VPS54: variants seen among roughly 807,000 people sequenced by gnomAD.
VPS54 encodes vacuolar protein sorting-associated protein 54.
In VPS54, 45 loss-of-function variants were observed where a neutral mutation model predicts 121.5. That is an observed-to-expected ratio of 0.37 (90% CI 0.29 to 0.47). The LOEUF (loss-of-function observed/expected upper bound fraction) is 0.47, where lower values mean the gene tolerates loss of function less well. VPS54 is among the 20% of genes least tolerant of loss of function. VPS54 has a pLI of 0.99. For synonymous variants in VPS54, 371 were observed against 385.8 expected (o/e 0.96, Z 0.45); for missense variants, 1,090 against 1,131.4 (o/e 0.96, Z 0.52).
At chr2:63,990,978 A>AG (rs1677291156) in intron 1 of VPS54, among the ~76,000 whole-genome samples, 1 of 152,194 alleles carries the variant, frequency 6.6e-6, no homozygotes, top group South Asian at 2.1e-4. Context: ...TAACCCCATT[A>AG]AAGCATTTAC....
intron 1 of VPS54, among the ~76,000 whole-genome samples, chr2:63,992,462 A>C (rs1209210171): frequency 4.6e-5 from 7 of 152,252 alleles, no homozygotes; most frequent in African/African-American, 1.7e-4. Flanking sequence ...CTATAAAAGA[A>C]GACAGGGCTG....
intron 6 of VPS54, among the ~76,000 whole-genome samples, chr2:63,965,039 T>C (rs891251150): frequency 6.6e-6 from 1 of 152,206 alleles, no homozygotes; most frequent in Non-Finnish European, 1.5e-5. Flanking sequence ...TGTAAAAGAC[T>C]AGGCTTTGCA....
At chr2:63,951,001 C>T (rs1424987601) in intron 7 of VPS54, among the ~76,000 whole-genome samples, 1 of 152,098 alleles carries the variant, frequency 6.6e-6, no homozygotes, top group Non-Finnish European at 1.5e-5. Context: ...AGCTTTAGAT[C>T]CTTCACTTTC....
intron 5 of VPS54, among the ~76,000 whole-genome samples, chr2:63,968,696 G>A (rs1224220915): frequency 5.3e-5 from 8 of 152,010 alleles, no homozygotes; most frequent in African/African-American, 1.7e-4. Flanking sequence ...TCCAGCCTGC[G>A]AGACGGGGCA....
At chr2:63,927,769 A>G (rs1200782276) in intron 12 of VPS54, among the ~76,000 whole-genome samples, 1 of 152,204 alleles carries the variant, frequency 6.6e-6, no homozygotes, top group Non-Finnish European at 1.5e-5. Flanking sequence ...CCTTGAAAGA[A>G]GATTAGATGA....
intron 7 of VPS54, among the ~76,000 whole-genome samples, chr2:63,961,418 T>C (rs1235521987): frequency 2.0e-5 from 3 of 152,242 alleles, no homozygotes; most frequent in African/African-American, 7.2e-5. Context: ...CACTTACTAG[T>C]ACGTGGTTTG....
chr2:64,006,001 A>G (rs1384857297), intron 1 of VPS54, among the ~76,000 whole-genome samples: 2 of 152,220 alleles, frequency 1.3e-5, no homozygotes, highest in Non-Finnish European at 2.9e-5. Context: ...CTATTAAGAA[A>G]ATGGCTTGGA....
intron 7 of VPS54, among the ~76,000 whole-genome samples, chr2:63,958,550 C>CA (rs1423754509): frequency 2.0e-5 from 3 of 152,036 alleles, no homozygotes; most frequent in East Asian, 1.9e-4. Context: ...CTTATCTCTA[C>CA]AAAAAAATTT....
At chr2:64,006,704 C>T (rs142607621) in intron 1 of VPS54, among the ~76,000 whole-genome samples, 6 of 152,166 alleles carry the variant, frequency 3.9e-5, no homozygotes, top group South Asian at 4.1e-4. Context: ...CTGCAACCTC[C>T]GCCTCCCAGT....
At chr2:63,981,909 A>G in intron 2 of VPS54, 22 bp from the exon 3 acceptor site, 1 of 1,601,356 alleles carries the variant, frequency 6.2e-7, no homozygotes, top group Non-Finnish European at 8.5e-7. Flanking sequence ...AAACAAGAGA[A>G]CTCTGTAAAT....
chr2:64,017,317 A>G (rs1439589673), intron 1 of VPS54, among the ~76,000 whole-genome samples: 1 of 150,786 alleles, frequency 6.6e-6, no homozygotes. Context: ...AGCCTGGGCA[A>G]CAGAGCAAGA....
At chr2:63,952,136 GT>G (rs1251614166) in intron 7 of VPS54, among the ~76,000 whole-genome samples, 4 of 152,134 alleles carry the variant, frequency 2.6e-5, no homozygotes, top group African/African-American at 9.7e-5. Flanking sequence ...ATCAGTTTGA[GT>G]TACTGTGCAA....
intron 13 of VPS54, 142 bp downstream of exon 13, chr2:63,921,064 A>G: frequency 6.4e-6 from 5 of 778,074 alleles, no homozygotes; most frequent in Non-Finnish European, 9.3e-6. Context: ...TCTCCCTAGT[A>G]GACCACATCA....
At chr2:63,902,805 T>C (rs10178485) in intron 20 of VPS54, among the ~76,000 whole-genome samples, 169 of 152,126 alleles carry the variant, frequency 1.1e-3, no homozygotes, top group Middle Eastern at 0.01. Context: ...CCATCTCTAC[T>C]AAAAATATGA....
intron 1 of VPS54, among the ~76,000 whole-genome samples, chr2:64,003,453 A>T (rs570702149): frequency 3.3e-5 from 5 of 152,258 alleles, no homozygotes; most frequent in African/African-American, 1.2e-4. Context: ...TTTTTGCATC[A>T]ATCATACTGA....
At chr2:63,917,722 G>A (rs1384020346) in intron 15 of VPS54, among the ~76,000 whole-genome samples, 1 of 151,908 alleles carries the variant, frequency 6.6e-6, no homozygotes, top group Non-Finnish European at 1.5e-5. Flanking sequence ...TTGAGGTTAA[G>A]GACTGTGTCT....
chr2:63,975,082 G>A, intron 3 of VPS54: 1 of 1,526,374 alleles, frequency 6.6e-7, no homozygotes. Context: ...GTCTCACTCT[G>A]TCACCCAATC....
chr2:63,935,461 T>C (rs1381619830), intron 11 of VPS54, among the ~76,000 whole-genome samples: 1 of 152,178 alleles, frequency 6.6e-6, no homozygotes. Flanking sequence ...CTGTCCAATC[T>C]TGGATATACT....
intron 3 of VPS54, among the ~76,000 whole-genome samples, chr2:63,974,400 C>G (rs1319528816): frequency 6.6e-6 from 1 of 152,122 alleles, no homozygotes; most frequent in African/African-American, 2.4e-5. Flanking sequence ...CAGCTTTGTT[C>G]CTCTTTTAAT....
Sources: gnomAD v4.1 joint callset for allele counts (sites outside exome capture counted in the v4.1 genomes callset) on GRCh38, gnomAD v4.1.1 for gene constraint, MANE v1.5 for transcripts, NCBI Gene and HGNC (gene_info 2026-07-23, HGNC 2026-07-21) for gene names.